Variants in USH2A observed in about 807,000 individuals in gnomAD.
USH2A encodes the protein usherin.
In USH2A, 443 loss-of-function variants were observed where a neutral mutation model predicts 538.9. That is an observed-to-expected ratio of 0.82 (90% CI 0.76 to 0.89). The LOEUF is 0.89. Among genes scored for constraint, USH2A ranks in the 40% least tolerant of loss-of-function variants. USH2A has a pLI of 0.00. For missense variants in USH2A, 6,633 were observed against 6,324.8 expected (o/e 1.05, Z -1.65); for synonymous variants, 2,413 against 2,273.5 (o/e 1.06, Z -1.75).
chr1:216,402,621 T>A (rs1054546072), intron 3 of USH2A, among the ~76,000 whole-genome samples: 1 of 152,158 alleles, frequency 6.6e-6, no homozygotes, highest in Non-Finnish European at 1.5e-5. Flanking sequence ...TTAACAATGT[T>A]TTCTTTCTCT....
chr1:216,299,575 A>C (rs375082682), intron 9 of USH2A, among the ~76,000 whole-genome samples: 1 of 152,106 alleles, frequency 6.6e-6, no homozygotes, highest in Non-Finnish European at 1.5e-5. Flanking sequence ...GTGTACATTT[A>C]TTACTAATGT....
chr1:216,011,631 C>G (rs1019559085), intron 32 of USH2A, among the ~76,000 whole-genome samples: 1 of 152,136 alleles, frequency 6.6e-6, no homozygotes, highest in Non-Finnish European at 1.5e-5. Flanking sequence ...GCCTAGCCAT[C>G]ATGTCTCCGT....
chr1:216,254,392 G>C (rs2036221463), intron 11 of USH2A, among the ~76,000 whole-genome samples: 1 of 151,892 alleles, frequency 6.6e-6, no homozygotes, highest in African/African-American at 2.4e-5. Flanking sequence ...GAAGTAGAAA[G>C]AGAGAAAGGC....
intron 11 of USH2A, among the ~76,000 whole-genome samples, chr1:216,284,246 T>C (rs1193149417): frequency 6.6e-6 from 1 of 152,142 alleles, no homozygotes; most frequent in African/African-American, 2.4e-5. Flanking sequence ...TCATCTTGAA[T>C]TGTAGTTCCC....
chr1:215,960,549 C>T (rs1241158964), intron 37 of USH2A, among the ~76,000 whole-genome samples: 1 of 151,948 alleles, frequency 6.6e-6, no homozygotes, highest in Non-Finnish European at 1.5e-5. Flanking sequence ...GCACTTATTC[C>T]AGGTCAGTAA....
intron 50 of USH2A, among the ~76,000 whole-genome samples, chr1:215,796,794 A>G (rs1006944176): frequency 1.3e-5 from 2 of 152,342 alleles, no homozygotes; most frequent in East Asian, 1.9e-4. Flanking sequence ...TAGACCTCTC[A>G]TGCCCAACAG....
intron 61 of USH2A, among the ~76,000 whole-genome samples, chr1:215,722,067 TAAA>T (rs35694146): frequency 8.5e-4 from 120 of 141,836 alleles, no homozygotes; most frequent in African/African-American, 8.9e-4. Flanking sequence ...CCTGTCTCTT[TAAA>T]AAAAAAAAAA....
At chr1:216,012,562 T>C (rs145898063) in intron 32 of USH2A, among the ~76,000 whole-genome samples, 1,709 of 152,266 alleles carry the variant, frequency 0.011, 30 homozygotes, top group African/African-American at 0.039. Context: ...TACAGTCTGA[T>C]AACAGACCAG....
intron 38 of USH2A, among the ~76,000 whole-genome samples, chr1:215,927,020 C>T (rs539354156): frequency 1.8e-4 from 28 of 152,184 alleles, no homozygotes; most frequent in Non-Finnish European, 3.5e-4. Context: ...ATTCTGCAGT[C>T]GCAGGTAGAA....
intron 55 of USH2A, among the ~76,000 whole-genome samples, chr1:215,776,201 T>C (rs1661455817): frequency 6.6e-6 from 1 of 152,194 alleles, no homozygotes; most frequent in South Asian, 2.1e-4. Context: ...AGGTCTTTTA[T>C]TGACAAGCTG....
intron 37 of USH2A, among the ~76,000 whole-genome samples, chr1:215,965,091 A>G (rs1667304716): frequency 6.6e-6 from 1 of 152,152 alleles, no homozygotes; most frequent in Admixed American, 6.6e-5. Flanking sequence ...CAGAAGCTCT[A>G]CAACGTACAT....
At chr1:215,951,495 A>G (rs2102441151) in intron 37 of USH2A, among the ~76,000 whole-genome samples, 2 of 152,286 alleles carry the variant, frequency 1.3e-5, no homozygotes, top group South Asian at 4.1e-4. Context: ...ATTTTGGAAT[A>G]GGTGTGGTGT....
chr1:215,852,158 T>G (rs1448832086), intron 44 of USH2A, among the ~76,000 whole-genome samples: 2 of 152,030 alleles, frequency 1.3e-5, no homozygotes, highest in Non-Finnish European at 2.9e-5. Flanking sequence ...ATTGGGCAAT[T>G]TACAAAAGAA....
At chr1:215,805,675 C>T (rs1190188466) in intron 49 of USH2A, among the ~76,000 whole-genome samples, 1 of 152,044 alleles carries the variant, frequency 6.6e-6, no homozygotes, top group East Asian at 1.9e-4. Flanking sequence ...TTAACTACCA[C>T]CTTCCAGAAT....
chr1:215,947,762 C>T (rs903264622), intron 37 of USH2A, among the ~76,000 whole-genome samples: 7 of 152,044 alleles, frequency 4.6e-5, no homozygotes, highest in South Asian at 2.1e-4. Context: ...TATTTATCTC[C>T]GCTGGCATAA....
chr1:216,354,162 A>G (rs1293614880), intron 4 of USH2A, among the ~76,000 whole-genome samples: 1 of 152,176 alleles, frequency 6.6e-6, no homozygotes, highest in African/African-American at 2.4e-5. Context: ...AAGCCCACGT[A>G]CAGATCAACT....
intron 3 of USH2A, among the ~76,000 whole-genome samples, chr1:216,390,386 G>A (rs2039085053): frequency 6.6e-6 from 1 of 152,052 alleles, no homozygotes. Flanking sequence ...GAACATAACT[G>A]AAAAGTTGAC....
At chr1:216,091,269 A>G (rs893414519) in intron 22 of USH2A, among the ~76,000 whole-genome samples, 23 of 152,320 alleles carry the variant, frequency 1.5e-4, no homozygotes, top group African/African-American at 5.5e-4. Flanking sequence ...TCATTTTCAC[A>G]GCTTCCTTCC....
intron 3 of USH2A, among the ~76,000 whole-genome samples, chr1:216,390,203 A>G (rs2039081966): frequency 6.6e-6 from 1 of 152,164 alleles, no homozygotes; most frequent in South Asian, 2.1e-4. Context: ...TGTTTGCTTT[A>G]AAATCATGAT....
Sources: gnomAD v4.1 joint callset for allele counts (sites outside exome capture counted in the v4.1 genomes callset) on GRCh38, gnomAD v4.1.1 for gene constraint, MANE v1.5 for transcripts, NCBI Gene and HGNC (gene_info 2026-07-23, HGNC 2026-07-21) for gene names.